Variants in ARHGAP15 observed in about 807,000 individuals in gnomAD.
ARHGAP15 encodes the protein rho GTPase-activating protein 15.
ARHGAP15 carries 51 observed loss-of-function variants against 63.7 expected under a neutral mutation model. The observed-to-expected ratio is 0.80, with a 90% confidence interval of 0.64 to 1.01. ARHGAP15 has a LOEUF of 1.01. Ranked by LOEUF, ARHGAP15 falls within the 50% of genes least tolerant of loss-of-function variation. The probability of loss-of-function intolerance (pLI) is 0.00; values close to 1 mark genes in which losing one functional copy is unlikely to be tolerated. For missense variants in ARHGAP15, 560 were observed against 564.6 expected (o/e 0.99, Z 0.08); for synonymous variants, 191 against 193.8 (o/e 0.99, Z 0.12).
chr2:143,461,355 G>A (rs980831172), intron 8 of ARHGAP15, among the ~76,000 whole-genome samples: 2 of 139,972 alleles, frequency 1.4e-5, no homozygotes, highest in Non-Finnish European at 1.5e-5. Context: ...AATTTCTTTT[G>A]ATGTGGCGTA....
chr2:143,236,121 T>C (rs1693633384), intron 5 of ARHGAP15: 1 of 992,878 alleles, frequency 1.0e-6, no homozygotes. Flanking sequence ...CCAGGTGTCA[T>C]ATAATTTTTT....
At chr2:143,711,068 T>C (rs2105440840) in intron 13 of ARHGAP15, among the ~76,000 whole-genome samples, 1 of 152,336 alleles carries the variant, frequency 6.6e-6, no homozygotes, top group African/African-American at 2.4e-5. Context: ...AATAAAGTTT[T>C]ATTGAAACAC....
chr2:143,389,395 G>A (rs970063262), intron 6 of ARHGAP15, among the ~76,000 whole-genome samples: 9 of 152,124 alleles, frequency 5.9e-5, no homozygotes, highest in East Asian at 1.9e-4. Flanking sequence ...CTTACACCAC[G>A]CAAGGTCTAT....
chr2:143,739,676 T>C (rs1685886443), intron 13 of ARHGAP15, among the ~76,000 whole-genome samples: 1 of 152,216 alleles, frequency 6.6e-6, no homozygotes, highest in South Asian at 2.1e-4. Flanking sequence ...TGCCTTCCCA[T>C]TGGCCAATGT....
At chr2:143,653,121 T>C (rs1681255437) in intron 12 of ARHGAP15, among the ~76,000 whole-genome samples, 1 of 152,126 alleles carries the variant, frequency 6.6e-6, no homozygotes, top group South Asian at 2.1e-4. Context: ...TTTTTCTGCA[T>C]CTACTGAGAT....
intron 13 of ARHGAP15, among the ~76,000 whole-genome samples, chr2:143,719,098 G>A (rs1011461094): frequency 3.9e-5 from 6 of 152,178 alleles, no homozygotes; most frequent in Admixed American, 2.0e-4. Context: ...GGACAGAACC[G>A]CTGTAAGGGG....
At chr2:143,526,110 G>A (rs184719579) in intron 10 of ARHGAP15, among the ~76,000 whole-genome samples, 3 of 151,580 alleles carry the variant, frequency 2.0e-5, no homozygotes, top group Admixed American at 6.6e-5. Context: ...TGTATACGGA[G>A]CTGGTTATTA....
chr2:143,258,452 T>C (rs1157253812), intron 6 of ARHGAP15, among the ~76,000 whole-genome samples: 6 of 152,120 alleles, frequency 3.9e-5, no homozygotes, highest in Admixed American at 6.6e-5. Context: ...CCCACACTTA[T>C]GCATAACTGG....
chr2:143,158,021 T>C (rs1025146338), intron 2 of ARHGAP15, among the ~76,000 whole-genome samples: 1 of 151,852 alleles, frequency 6.6e-6, no homozygotes, highest in Non-Finnish European at 1.5e-5. Flanking sequence ...ATGTCATGCA[T>C]CCTACTTAAT....
At chr2:143,407,185 T>G (rs540456113) in intron 6 of ARHGAP15, among the ~76,000 whole-genome samples, 1 of 152,086 alleles carries the variant, frequency 6.6e-6, no homozygotes, top group African/African-American at 2.4e-5. Context: ...ATTTGCATCC[T>G]TCATTTTAAG....
At chr2:143,636,184 C>T (rs1680305051) in intron 12 of ARHGAP15, among the ~76,000 whole-genome samples, 1 of 152,072 alleles carries the variant, frequency 6.6e-6, no homozygotes, top group Non-Finnish European at 1.5e-5. Flanking sequence ...CCATCTGTCC[C>T]GCTAGTTGCA....
At chr2:143,616,841 T>G (rs1698468145) in intron 11 of ARHGAP15, among the ~76,000 whole-genome samples, 1 of 152,214 alleles carries the variant, frequency 6.6e-6, no homozygotes. Flanking sequence ...TTAAAACCAC[T>G]TTGCTCCTTT....
At chr2:143,529,143 C>T (rs1694414001) in intron 10 of ARHGAP15, among the ~76,000 whole-genome samples, 1 of 152,076 alleles carries the variant, frequency 6.6e-6, no homozygotes. Context: ...AAACTCATCA[C>T]TTTTCCCAAC....
rs1477815552 is a variant in ARHGAP15 at position 143,236,025 on chromosome 2, C to T, written c.384+7357C>T. On this transcript the variant is annotated intron_variant, in intron 5 of 13. Transcript: ENST00000295095. ...AATCTCCATTTTTGGTTAAACAAAA[C>T]CCATTTGATGGATTGCATCATAGAG... 2.0e-6 allele frequency: 3 copies of T among 1,532,402 alleles called. No homozygotes were observed. The African/African-American group carries it at 4.2e-5, about 21-fold the overall frequency. The allele number at this position is 1,532,402 out of a possible 1,614,324, so 94.9% of individuals were successfully genotyped here.
chr2:143,634,149 C>T (rs747250535), intron 12 of ARHGAP15, among the ~76,000 whole-genome samples: 1 of 152,104 alleles, frequency 6.6e-6, no homozygotes, highest in Non-Finnish European at 1.5e-5. Flanking sequence ...TTGCCCATTG[C>T]ATTCCAGCCC....
At chr2:143,602,645 G>T (rs1327237618) in intron 11 of ARHGAP15, among the ~76,000 whole-genome samples, 1 of 151,866 alleles carries the variant, frequency 6.6e-6, no homozygotes, top group African/African-American at 2.4e-5. Flanking sequence ...AAAAAGCAAA[G>T]AAGGAAAGAA....
intron 4 of ARHGAP15, among the ~76,000 whole-genome samples, chr2:143,217,851 G>C (rs1221033959): frequency 1.3e-5 from 2 of 152,190 alleles, no homozygotes; most frequent in African/African-American, 4.8e-5. Flanking sequence ...CTAGAGCTGA[G>C]TAGGAGAATA....
At chr2:143,237,879 T>A (rs912098766) in intron 5 of ARHGAP15, 1 of 152,204 alleles carries the variant, frequency 6.6e-6, no homozygotes, top group African/African-American at 2.4e-5. Context: ...TACTCTTATG[T>A]TTTTTATTTT....
chr2:143,651,760 AG>A (rs1681176099), intron 12 of ARHGAP15, among the ~76,000 whole-genome samples: 1 of 151,920 alleles, frequency 6.6e-6, no homozygotes, highest in Non-Finnish European at 1.5e-5. Flanking sequence ...CCATTTAAGT[AG>A]GTTTGTACAG....
Sources: allele counts gnomAD v4.1 joint callset (sites outside exome capture counted in the v4.1 genomes callset), GRCh38; gene constraint gnomAD v4.1.1; transcripts MANE v1.5; gene names NCBI Gene and HGNC (gene_info 2026-07-23, HGNC 2026-07-21).